TRDN: variants seen among roughly 807,000 people sequenced by gnomAD.
TRDN encodes the protein triadin.
TRDN carries 161 observed loss-of-function variants against 149.7 expected under a neutral mutation model. The observed-to-expected ratio is 1.08, with a 90% CI of 0.95 to 1.23. TRDN has a LOEUF of 1.23. TRDN is among the 50% of genes most tolerant of loss of function. The pLI is 0.00. For missense variants in TRDN, 896 were observed against 823.5 expected (o/e 1.09, Z -1.08); for synonymous variants, 294 against 250.5 (o/e 1.17, Z -1.64).
At chr6:123,565,022 C>T (rs566487666) in intron 2 of TRDN, among the ~76,000 whole-genome samples, 63 of 152,330 alleles carry the variant, frequency 4.1e-4, no homozygotes, top group African/African-American at 1.4e-3. Flanking sequence ...TCAACATCCA[C>T]TAATGCCTTA....
At chr6:123,587,123 G>A (rs1365433038) in intron 1 of TRDN, among the ~76,000 whole-genome samples, 1 of 151,994 alleles carries the variant, frequency 6.6e-6, no homozygotes, top group Non-Finnish European at 1.5e-5. Flanking sequence ...GAGAGAAGGG[G>A]TTGGGGTACT....
intron 5 of TRDN, among the ~76,000 whole-genome samples, chr6:123,528,268 G>A (rs985709769): frequency 3.3e-5 from 3 of 91,322 alleles, no homozygotes; most frequent in Non-Finnish European, 7.4e-5. Context: ...CATATTCTGT[G>A]TGATTTTTTT....
intron 12 of TRDN, among the ~76,000 whole-genome samples, chr6:123,421,834 T>C (rs892520364): frequency 1.6e-4 from 22 of 138,616 alleles, no homozygotes; most frequent in Admixed American, 5.1e-4. Context: ...ATTGGCCCAG[T>C]GTGGCGGCCC....
At chr6:123,345,497 T>G (rs1780215478) in intron 21 of TRDN, among the ~76,000 whole-genome samples, 1 of 152,046 alleles carries the variant, frequency 6.6e-6, no homozygotes, top group African/African-American at 2.4e-5. Flanking sequence ...TAGTGTCAGT[T>G]TGCCACTTAA....
chr6:123,513,719 GT>G (rs200567030), intron 6 of TRDN, among the ~76,000 whole-genome samples: 428 of 152,018 alleles, frequency 2.8e-3, no homozygotes, highest in Middle Eastern at 0.01. Flanking sequence ...TTTTTTTTCT[GT>G]AGGTTATTGG....
chr6:123,317,356 T>C (rs1779065016), intron 23 of TRDN, among the ~76,000 whole-genome samples: 1 of 151,948 alleles, frequency 6.6e-6, no homozygotes, highest in African/African-American at 2.4e-5. Context: ...GAATACCTAC[T>C]GAGCATAAAC....
At chr6:123,307,493 C>A (rs1778657341) in intron 24 of TRDN, among the ~76,000 whole-genome samples, 1 of 152,020 alleles carries the variant, frequency 6.6e-6, no homozygotes, top group South Asian at 2.1e-4. Flanking sequence ...ACAACAAACT[C>A]CTCACAAAAG....
At chr6:123,602,052 A>C (rs1257802454) in intron 1 of TRDN, among the ~76,000 whole-genome samples, 1 of 152,132 alleles carries the variant, frequency 6.6e-6, no homozygotes, top group South Asian at 2.1e-4. Context: ...AATGGTAACT[A>C]TATGTCAGGC....
intron 22 of TRDN, 60 bp downstream of exon 22, chr6:123,337,559 T>C: frequency 1.2e-6 from 1 of 839,388 alleles, no homozygotes. Flanking sequence ...ATGTACTGTG[T>C]TCTCAATAAT....
chr6:123,411,049 C>CT (rs34482163), intron 12 of TRDN, among the ~76,000 whole-genome samples: 21 of 126,408 alleles, frequency 1.7e-4, no homozygotes, highest in South Asian at 7.7e-4. Context: ...AACTTTCTTT[C>CT]TTTTTTTTTT....
chr6:123,333,623 C>T (rs1779748699), intron 22 of TRDN, among the ~76,000 whole-genome samples: 1 of 151,970 alleles, frequency 6.6e-6, no homozygotes, highest in Non-Finnish European at 1.5e-5. Flanking sequence ...AGGAAGTCCA[C>T]AGACTTCTCT....
intron 1 of TRDN, among the ~76,000 whole-genome samples, chr6:123,591,391 A>T (rs1783773974): frequency 6.6e-6 from 1 of 152,056 alleles, no homozygotes; most frequent in African/African-American, 2.4e-5. Context: ...GATTACAGGC[A>T]TGCCCCACCA....
chr6:123,327,081 G>A (rs953977545), intron 23 of TRDN, among the ~76,000 whole-genome samples: 2 of 151,770 alleles, frequency 1.3e-5, no homozygotes, highest in Non-Finnish European at 2.9e-5. Flanking sequence ...TTCTTTTTGC[G>A]CAAATATGAG....
At chr6:123,487,611 T>C (rs781010721) in intron 9 of TRDN, among the ~76,000 whole-genome samples, 1 of 152,092 alleles carries the variant, frequency 6.6e-6, no homozygotes, top group Non-Finnish European at 1.5e-5. Flanking sequence ...TTATGCCAAA[T>C]ATCACCTCTT....
chr6:123,585,371 C>T lies in TRDN; in HGVS notation c.23-14239G>A, dbSNP rs188242249. On this transcript the variant is annotated intron_variant, in intron 1 of 40. Coordinates refer to ENST00000334268, the MANE Select transcript of TRDN (RefSeq NM_006073.4). The stretch of plus-strand genomic sequence containing the variant: ...CTTTTAAGAGGTTTAGAAGCCTGGC[C>T]ATCAATACCCACAACAGTTATGGAG... 9.9e-3 allele frequency among the ~76,000 whole-genome samples: 1,505 copies of T among 151,994 alleles called. 14 individuals are homozygous for T. Among genetic ancestry groups the T allele is most frequent in the Admixed American group, 0.015 (231 of 15,264 alleles).
At chr6:123,289,104 G>T (rs1777908308) in intron 24 of TRDN, among the ~76,000 whole-genome samples, 1 of 143,460 alleles carries the variant, frequency 7.0e-6, no homozygotes, top group African/African-American at 2.6e-5. Context: ...ACTATATATA[G>T]TATGTATGTA....
intron 14 of TRDN, among the ~76,000 whole-genome samples, chr6:123,387,139 A>T (rs866414928): frequency 8.5e-5 from 13 of 152,126 alleles, no homozygotes; most frequent in Admixed American, 3.3e-4. Context: ...CTATTTTGGA[A>T]AGAGGTAATA....
Position 123,438,068 on chromosome 6 carries a change from T to C in TRDN, c.1046A>G (p.Lys349Arg), listed in dbSNP as rs1481034871. 2.5e-6 allele frequency: 4 copies of C among 1,597,456 alleles called. No individual in the cohort carries two copies. The highest frequency in any genetic ancestry group is 3.4e-6 in the Non-Finnish European group (4 of 1,173,550). Residue 349 changes from lysine (K) to arginine (R), a missense_variant, in exon 12 of 41, where the codon AAA (lysine) becomes AGA (arginine). Lys to Arg is a conservative substitution (Grantham distance 26, BLOSUM62 2). Transcript: ENST00000334268. ...AAACAAAGAAAGTGCAATACCTTTT[T>C]TTTCCACATCAATGGCAGTTTCCTT... Reference protein sequence around the residue: ...SEKETAIDVEKKEPGKASETK... With the variant: ...SEKETAIDVERKEPGKASETK...
intron 9 of TRDN, among the ~76,000 whole-genome samples, chr6:123,468,292 G>A (rs978735450): frequency 1.3e-5 from 2 of 152,030 alleles, no homozygotes; most frequent in Admixed American, 6.5e-5. Flanking sequence ...ATTTACATTC[G>A]AACTCTAAAG....
Sources: gnomAD v4.1 joint callset for allele counts (sites outside exome capture counted in the v4.1 genomes callset) on GRCh38, gnomAD v4.1.1 for gene constraint, MANE v1.5 for transcripts, NCBI Gene and HGNC (gene_info 2026-07-23, HGNC 2026-07-21) for gene names.